The following LIFR variants were observed in gnomAD, a reference collection of about 807,000 sequenced individuals.
LIFR encodes leukemia inhibitory factor receptor.
LIFR carries 84 observed loss-of-function variants against 122.2 expected under a neutral mutation model. The observed-to-expected ratio is 0.69, with a 90% CI of 0.58 to 0.82. LIFR has a LOEUF of 0.82. Ranked by LOEUF, LIFR falls within the 40% of genes least tolerant of loss-of-function variation. The probability of loss-of-function intolerance (pLI) is 0.00; values close to 1 mark genes in which losing one functional copy is unlikely to be tolerated. For missense variants in LIFR, 1,294 were observed against 1,311.6 expected (o/e 0.99, Z 0.21); for synonymous variants, 422 against 434.7 (o/e 0.97, Z 0.36).
rs532389397 is a variant in LIFR, at chr5:38,483,868, C to T, written c.2591+907G>A. ...TATGTTCTCTTGTCATAAATGATGG[C>T]ATTTTTAAGGTCGGTGAGGACTGGT... On this transcript the variant is annotated intron_variant, in intron 18 of 19. Transcript: ENST00000453190. Among the ~76,000 whole-genome samples, 22 of 152,254 alleles carry T rather than the reference C, an allele frequency of 1.4e-4. No individual in the cohort carries two copies. The East Asian group carries it at 2.9e-3, about 20-fold the overall frequency.
intron 1 of LIFR, among the ~76,000 whole-genome samples, chr5:38,538,970 T>C (rs1747437401): frequency 6.6e-6 from 1 of 151,168 alleles, no homozygotes; most frequent in South Asian, 2.1e-4. Flanking sequence ...GGTTCTCTCT[T>C]TTTTTTTTGA....
chr5:38,553,636 A>AT (rs1304140025), intron 1 of LIFR, among the ~76,000 whole-genome samples: 3 of 74,332 alleles, frequency 4.0e-5, no homozygotes, highest in Admixed American at 1.2e-4. Context: ...ATATATATAT[A>AT]TATATATATA....
At chr5:38,603,015 C>T (rs992823401) in intron 2 of LIFR, among the ~76,000 whole-genome samples, 16 of 152,130 alleles carry the variant, frequency 1.1e-4, no homozygotes, top group African/African-American at 2.9e-4. Context: ...ATACTGCGCA[C>T]GCTTAATTCC....
At chr5:38,511,280 GC>G (rs1021267648) in intron 6 of LIFR, among the ~76,000 whole-genome samples, 1 of 152,010 alleles carries the variant, frequency 6.6e-6, no homozygotes, top group Non-Finnish European at 1.5e-5. Context: ...ATGACTACCA[GC>G]CTTTCAGGAT....
Position 38,475,453 on chromosome 5 carries a change from TG to T in LIFR, c.*6141del, listed in dbSNP as rs1743681266. 1 of 197,456 alleles carries T rather than the reference TG, an allele frequency of 5.1e-6. No homozygotes were observed. The highest frequency in any genetic ancestry group is 1.1e-5 in the Non-Finnish European group (1 of 95,144). The allele number at this position is 197,456 out of a possible 1,614,324, so 12.2% of individuals were successfully genotyped here. A position where few individuals can be genotyped will look rare whatever the true frequency, so the allele number is the denominator to read the frequency against. ...ATTCACCTTAAAAAAATGTCTGTAGTGGTAACATTTCAAGAAATGAAAAAGG... is the reference window on the plus strand; with the variant it reads ...ATTCACCTTAAAAAAATGTCTGTAGTGTAACATTTCAAGAAATGAAAAAGG... On this transcript the variant is annotated 3_prime_UTR_variant, in exon 20 of 20. Coordinates refer to ENST00000453190, the MANE Select transcript of LIFR (RefSeq NM_001127671.2).
chr5:38,505,130 T>C (rs1349535669), intron 9 of LIFR, among the ~76,000 whole-genome samples: 1 of 151,184 alleles, frequency 6.6e-6, no homozygotes, highest in Non-Finnish European at 1.5e-5. Context: ...GAACTATTAA[T>C]ACATACAACA....
intron 5 of LIFR, among the ~76,000 whole-genome samples, chr5:38,517,456 C>G (rs1186653817): frequency 6.6e-6 from 1 of 152,116 alleles, no homozygotes; most frequent in Admixed American, 6.5e-5. Flanking sequence ...TAAATAATAC[C>G]TTTAAGACAG....
Position 38,594,500 on chromosome 5 carries a change from A to G in LIFR, c.-20+761T>C, listed in dbSNP as rs114301957. On this transcript the variant is annotated intron_variant, in intron 1 of 19. Transcript: ENST00000263409. ...TTGATTCATCAATTGCAACAAATGT[A>G]CCACACTAACATAAGATGTTACTAA... Among the ~76,000 whole-genome samples, 1,016 of 152,278 alleles carry G rather than the reference A, an allele frequency of 6.7e-3. 13 individuals carry two copies. The highest frequency in any genetic ancestry group is 0.023 in the African/African-American group (974 of 41,562).
In LIFR at chr5:38,489,171, G is replaced by C. The variant is rs779937579; in HGVS notation, c.2242C>G (p.Pro748Ala). Residue 748 changes from proline to alanine, a missense_variant, in exon 16 of 20, where the codon CCT (proline) becomes GCT (alanine). By Grantham distance (27) the Pro-to-Ala change is conservative. Coordinates refer to ENST00000453190, the MANE Select transcript of LIFR (RefSeq NM_001127671.2). ...DSILVKWEDI[P>A]VEELRGFLRG... The stretch of plus-strand genomic sequence containing the variant: ...AAAAAGCCTCTAAGTTCTTCCACAG[G>C]AATGTCTTCCCATTTTACTAATATC... 1.2e-6 allele frequency: 2 copies of C among 1,612,288 alleles called. No individual in the cohort carries two copies. Among genetic ancestry groups the C allele is most frequent in the Admixed American group, 1.7e-5 (1 of 60,004 alleles).
chr5:38,510,312 T>C lies in LIFR; in HGVS notation c.991+152A>G, dbSNP rs562699336. ...TTCATTTTAAAACAAGCAAATATTC[T>C]AGTGCCTTTGTATAGCCTTTATATT... On this transcript the variant is annotated intron_variant, in intron 7 of 19. Transcript: ENST00000453190. 4.2e-5 allele frequency: 29 copies of C among 695,902 alleles called. No homozygotes were observed. In the South Asian group the frequency reaches 4.7e-4, roughly 11 times the overall value. 43.1% of individuals were successfully genotyped at this position (695,902 alleles called of 1,614,324 possible).
chr5:38,494,094 A>C (rs1386398963), intron 13 of LIFR, among the ~76,000 whole-genome samples: 1 of 152,326 alleles, frequency 6.6e-6, no homozygotes, highest in East Asian at 1.9e-4. Flanking sequence ...GGAAGGACGC[A>C]GCTAAGGACA....
intron 1 of LIFR, among the ~76,000 whole-genome samples, chr5:38,555,905 A>AC (rs1261432237): frequency 6.6e-6 from 1 of 152,116 alleles, no homozygotes; most frequent in Non-Finnish European, 1.5e-5. Flanking sequence ...CCAGTACACC[A>AC]CCTTCGGAAG....
chr5:38,546,608 G>A (rs760258353), intron 1 of LIFR, among the ~76,000 whole-genome samples: 5 of 152,208 alleles, frequency 3.3e-5, no homozygotes, highest in Non-Finnish European at 5.9e-5. Context: ...TTTCCTTACT[G>A]GTCTTCAAAA....
upstream of LIFR, among the ~76,000 whole-genome samples, chr5:38,560,896 T>C (rs933532728): frequency 6.6e-6 from 1 of 152,182 alleles, no homozygotes; most frequent in Non-Finnish European, 1.5e-5. Context: ...ACGCCCAGCC[T>C]GTCTTTTGTT....
chr5:38,494,133 C>G (rs1744748763), intron 13 of LIFR, among the ~76,000 whole-genome samples: 1 of 152,154 alleles, frequency 6.6e-6, no homozygotes, highest in Non-Finnish European at 1.5e-5. Flanking sequence ...GAGAGGGAGA[C>G]TGGGGAGGGG....
rs778400647 is a variant in LIFR, at chr5:38,530,488, G to A, written c.142+18C>T. 1 of 1,603,872 alleles carries A rather than the reference G, an allele frequency of 6.2e-7. No homozygotes were observed. Among genetic ancestry groups the A allele is most frequent in the Middle Eastern group, 1.7e-4 (1 of 6,010 alleles). On this transcript the variant is annotated intron_variant, in intron 2 of 19. Transcript: ENST00000453190. Reference sequence around the variant, plus strand: ...AAAACTGCAATCTGTTCATTCTCTGGAAGGCTGATGCACTTACCCTTTTTC... The same window carrying A: ...AAAACTGCAATCTGTTCATTCTCTGAAAGGCTGATGCACTTACCCTTTTTC...
chr5:38,601,988 C>A (rs1561237112), intron 2 of LIFR, among the ~76,000 whole-genome samples: 1 of 152,194 alleles, frequency 6.6e-6, no homozygotes, highest in Non-Finnish European at 1.5e-5. Flanking sequence ...GACTCATCAA[C>A]CTTTCTCCGT....
chr5:38,582,790 T>C (rs1401665697), intron 1 of LIFR, among the ~76,000 whole-genome samples: 1 of 152,212 alleles, frequency 6.6e-6, no homozygotes, highest in African/African-American at 2.4e-5. Flanking sequence ...ACTGTTAATC[T>C]GCACTTTTAT....
intron 1 of LIFR, among the ~76,000 whole-genome samples, chr5:38,571,122 C>T (rs901830818): frequency 1.3e-5 from 2 of 152,204 alleles, no homozygotes; most frequent in African/African-American, 4.8e-5. Flanking sequence ...TGGGTGTAGG[C>T]TGCAACTTGA....
Sources: gnomAD v4.1 joint callset for allele counts (sites outside exome capture counted in the v4.1 genomes callset) on GRCh38, gnomAD v4.1.1 for gene constraint, MANE v1.5 for transcripts, NCBI Gene and HGNC (gene_info 2026-07-23, HGNC 2026-07-21) for gene names.